Variants in HK1 observed in about 807,000 individuals in gnomAD.
HK1 encodes hexokinase-1.
Under a neutral mutation model 91.6 loss-of-function variants are expected in HK1, and 28 were observed. That is an observed-to-expected ratio of 0.31 (90% CI 0.23 to 0.42). HK1 has a LOEUF of 0.42. HK1 is among the 10% of genes least tolerant of loss of function. The pLI, the probability that HK1 is intolerant of heterozygous loss-of-function variation, is 1.00. For synonymous variants in HK1, 430 were observed against 468.1 expected (o/e 0.92, Z 1.05); for missense variants, 770 against 1,219.8 (o/e 0.63, Z 5.49).
At position 69,379,854 on chromosome 10, in the gene HK1, C is replaced by T; in HGVS notation, c.1032-8C>T. 1 of 1,602,446 alleles carries T rather than the reference C, an allele frequency of 6.2e-7. No individual in the cohort carries two copies. On this transcript the variant is annotated splice_polypyrimidine_tract_variant and splice_region_variant and intron_variant, in intron 8 of 17. Transcript: ENST00000359426. ...TCAGTGCATCAGTATTGGCTTCTAA[C>T]TTCACAGGAATAAGGAAGGCCTCCA...
At chr10:69,332,357 TTTTCTTTCTTTC>T (rs140249017) in intron 1 of HK1, among the ~76,000 whole-genome samples, 3 of 140,734 alleles carry the variant, frequency 2.1e-5, no homozygotes, top group African/African-American at 2.6e-5. Context: ...CTAGGCCTCA[TTTTCTTTCTTTC>T]TTTCTTTCTT....
chr10:69,325,552 G>A (rs1388837916), intron 1 of HK1, among the ~76,000 whole-genome samples: 2 of 149,290 alleles, frequency 1.3e-5, no homozygotes, highest in Non-Finnish European at 3.0e-5. Context: ...TTGAGATGGG[G>A]TCTCACTCTG....
chr10:69,359,987 A>T lies in HK1; in HGVS notation c.317A>T (p.His106Leu), dbSNP rs764841583. 1.2e-6 allele frequency: 2 copies of T among 1,614,024 alleles called. No individual in the cohort carries two copies. The highest frequency in any genetic ancestry group is 1.7e-6 in the Non-Finnish European group (2 of 1,179,966). The change falls in exon 3 of 18, where the codon CAC (histidine) becomes CTC (leucine). Residue 106 changes from histidine (H) to leucine (L), a missense_variant. His to Leu is a moderately conservative substitution (Grantham distance 99, BLOSUM62 -3). This residue lies in a region of HK1 where 449 missense variants were observed against 665.1 expected (regional missense o/e 0.68). Coordinates refer to ENST00000359426, the MANE Select transcript of HK1 (RefSeq NM_000188.3). Reference sequence around the variant, plus strand: ...AATCATGAGAAAAACCAGAATGTTCACATGGAGTCCGAGGTTTATGACACC... The same window carrying T: ...AATCATGAGAAAAACCAGAATGTTCTCATGGAGTCCGAGGTTTATGACACC... Reference protein sequence around the residue: ...QVNHEKNQNVHMESEVYDTPE... With the variant: ...QVNHEKNQNVLMESEVYDTPE...
rs550331831 is a variant in HK1 at position 69,333,205 on chromosome 10, C to T, written c.64-10622C>T. 3.9e-5 allele frequency among the ~76,000 whole-genome samples: 6 copies of T among 152,338 alleles called. No homozygotes were observed. The South Asian group carries it at 1.0e-3, about 26-fold the overall frequency. ...CCCATGGCCGAGGCCTGAGGTCTTT[C>T]GATTTCTAGCTCAGTCCAGTCCCAC... On this transcript the variant is annotated intron_variant, in intron 1 of 17. Coordinates refer to ENST00000359426, the MANE Select transcript of HK1 (RefSeq NM_000188.3).
chr10:69,366,624 C>T (rs1849716778), intron 4 of HK1, among the ~76,000 whole-genome samples: 1 of 152,158 alleles, frequency 6.6e-6, no homozygotes, highest in Non-Finnish European at 1.5e-5. Flanking sequence ...TCTGTCTGAC[C>T]TGTTATGCTT....
At chr10:69,333,922 C>T (rs1847853103) in intron 1 of HK1, among the ~76,000 whole-genome samples, 2 of 152,054 alleles carry the variant, frequency 1.3e-5, no homozygotes, top group Admixed American at 1.3e-4. Flanking sequence ...ACCATCCTGG[C>T]CAACATGGTG....
At chr10:69,325,239 G>A (rs1589485143) in intron 1 of HK1, among the ~76,000 whole-genome samples, 1 of 151,336 alleles carries the variant, frequency 6.6e-6, no homozygotes, top group Non-Finnish European at 1.5e-5. Context: ...TTTTAGGAGA[G>A]ACGGGGTTTC....
chr10:69,378,000 G>C (rs911583323), intron 8 of HK1, among the ~76,000 whole-genome samples: 8 of 152,226 alleles, frequency 5.3e-5, no homozygotes, highest in African/African-American at 1.9e-4. Flanking sequence ...CTCTCTTTGA[G>C]GTTAGAGAAG....
At chr10:69,320,453 A>G (rs1001344427) in intron 1 of HK1, among the ~76,000 whole-genome samples, 1 of 152,088 alleles carries the variant, frequency 6.6e-6, no homozygotes, top group Non-Finnish European at 1.5e-5. Context: ...ACTTGCTCCT[A>G]TGGAGCACCC....
chr10:69,357,863 T>C (rs1007065004), intron 2 of HK1, among the ~76,000 whole-genome samples: 1 of 152,122 alleles, frequency 6.6e-6, no homozygotes, highest in African/African-American at 2.4e-5. Flanking sequence ...TGGGAGGTGA[T>C]AGTTAAAGGG....
At chr10:69,292,310 T>C in intron 3 of HK1, 1 of 434,986 alleles carries the variant, frequency 2.3e-6, no homozygotes, top group Non-Finnish European at 4.6e-6. Context: ...TGGCGTCAAG[T>C]GATCCTCCTG....
At chr10:69,344,840 C>T (rs1848472016) in intron 2 of HK1, among the ~76,000 whole-genome samples, 1 of 152,134 alleles carries the variant, frequency 6.6e-6, no homozygotes, top group Non-Finnish European at 1.5e-5. Context: ...CCCCTGTTAG[C>T]TGTGTTCTGT....
chr10:69,274,974 C>T (rs1844360755), intron 1 of HK1, among the ~76,000 whole-genome samples: 1 of 152,142 alleles, frequency 6.6e-6, no homozygotes, highest in Admixed American at 6.5e-5. Context: ...AATCTCCACT[C>T]ACTTTGGGAG....
rs368225167 is a variant in HK1 at position 69,366,110 on chromosome 10, C to T, written c.495+1208C>T. On this transcript the variant is annotated intron_variant, in intron 4 of 17. Transcript: ENST00000359426. ...CCCCTCAAAGTGCTGGGATTACAGA[C>T]GTGAGCCACTGCACCTGGCCAGGCT... 7.9e-5 allele frequency among the ~76,000 whole-genome samples: 12 copies of T among 152,206 alleles called. No homozygotes were observed. The East Asian group carries it at 1.2e-3, about 15-fold the overall frequency.
At chr10:69,298,723 A>G (rs1845698152) in intron 4 of HK1, among the ~76,000 whole-genome samples, 1 of 151,898 alleles carries the variant, frequency 6.6e-6, no homozygotes, top group Admixed American at 6.6e-5. Context: ...GGTACAGACT[A>G]TTCAGCTACA....
intron 13 of HK1, among the ~76,000 whole-genome samples, chr10:69,388,247 C>T (rs1022276249): frequency 2.6e-5 from 4 of 151,972 alleles, no homozygotes; most frequent in Non-Finnish European, 5.9e-5. Flanking sequence ...GGAGACCAGC[C>T]TGGGTAACGT....
chr10:69,305,909 AAAG>A (rs1182267471), intron 5 of HK1, among the ~76,000 whole-genome samples: 3 of 151,954 alleles, frequency 2.0e-5, no homozygotes, highest in South Asian at 4.2e-4. Flanking sequence ...AAAAAGAAAA[AAAG>A]AAGAAGAAAA....
chr10:69,274,124 T>C (rs1217405874), intron 1 of HK1, among the ~76,000 whole-genome samples: 1 of 152,166 alleles, frequency 6.6e-6, no homozygotes, highest in Non-Finnish European at 1.5e-5. Context: ...TCCAGTCTGA[T>C]ATTGAGCTGG....
At chr10:69,399,857 G>C (rs532615896) in intron 17 of HK1, among the ~76,000 whole-genome samples, 1 of 152,294 alleles carries the variant, frequency 6.6e-6, no homozygotes, top group Non-Finnish European at 1.5e-5. Context: ...TGAGGCCATA[G>C]TGTCACCCTA....
Sources: gnomAD v4.1 joint callset for allele counts (sites outside exome capture counted in the v4.1 genomes callset) on GRCh38, gnomAD v4.1.1 for gene constraint, gnomAD v4.1.1 regional missense constraint, MANE v1.5 for transcripts, NCBI Gene and HGNC (gene_info 2026-07-23, HGNC 2026-07-21) for gene names.